CTNNBIP1: variants seen among roughly 807,000 people sequenced by gnomAD.
CTNNBIP1 encodes the protein beta-catenin-interacting protein 1.
CTNNBIP1 carries 7 observed loss-of-function variants against 11.8 expected under a neutral mutation model. That is an observed-to-expected ratio of 0.60 (90% CI 0.34 to 1.12). The LOEUF is 1.12. CTNNBIP1 is among the 50% of genes most tolerant of loss of function. The probability of loss-of-function intolerance (pLI) is 0.03; values close to 1 mark genes in which losing one functional copy is unlikely to be tolerated. For synonymous variants in CTNNBIP1, 58 were observed against 43.9 expected (o/e 1.32, Z -1.26); for missense variants, 101 against 113.4 (o/e 0.89, Z 0.50).
At chr1:9,890,358 G>A (rs919639537) in intron 1 of CTNNBIP1, among the ~76,000 whole-genome samples, 4 of 152,130 alleles carry the variant, frequency 2.6e-5, no homozygotes, top group African/African-American at 9.7e-5. Flanking sequence ...GCTGGTGGAG[G>A]TTTTCTCTCT....
chr1:9,908,576 G>A (rs1639667896), intron 1 of CTNNBIP1, among the ~76,000 whole-genome samples: 1 of 141,222 alleles, frequency 7.1e-6, no homozygotes, highest in Non-Finnish European at 1.5e-5. Context: ...GGGTTTCACC[G>A]TGGTCTCGAT....
chr1:9,908,204 A>C (rs754569195), intron 1 of CTNNBIP1, among the ~76,000 whole-genome samples: 1 of 151,096 alleles, frequency 6.6e-6, no homozygotes. Context: ...GACTACAGGC[A>C]TGCACCACCA....
intron 2 of CTNNBIP1, among the ~76,000 whole-genome samples, chr1:9,880,136 GC>G (rs1453649004): frequency 7.5e-6 from 1 of 133,334 alleles, no homozygotes; most frequent in Non-Finnish European, 1.6e-5. Context: ...CTTGCCCCCA[GC>G]CCCCCAACAG....
Position 9,881,167 on chromosome 1 carries a change from C to G in CTNNBIP1, c.-110+2538G>C, listed in dbSNP as rs185027424. ...CCACCCACCTCAGCCTCCTGCATGG[C>G]TGAACCACAGGCATGCACCACCATA... On this transcript the variant is annotated intron_variant, in intron 2 of 5. Coordinates refer to ENST00000377263, the MANE Select transcript of CTNNBIP1 (RefSeq NM_020248.3). Among the ~76,000 whole-genome samples the G allele has an allele frequency of 1.1e-3, 170 of 151,858 alleles. 3 individuals are homozygous for G. In the East Asian group the frequency reaches 0.029, roughly 26 times the overall value.
At chr1:9,854,808 C>G in intron 5 of CTNNBIP1, among the ~76,000 whole-genome samples, 1 of 152,112 alleles carries the variant, frequency 6.6e-6, no homozygotes, top group East Asian at 1.9e-4. Context: ...TCCCGAGTAG[C>G]TGGGACTATA....
intron 5 of CTNNBIP1, among the ~76,000 whole-genome samples, chr1:9,853,120 T>C (rs747629368): frequency 3.9e-5 from 6 of 152,206 alleles, no homozygotes; most frequent in South Asian, 4.1e-4. Flanking sequence ...GTGGCATTTA[T>C]AGAGCCTCCC....
chr1:9,854,399 A>T (rs1265474045), intron 5 of CTNNBIP1, among the ~76,000 whole-genome samples: 1 of 151,554 alleles, frequency 6.6e-6, no homozygotes, highest in Non-Finnish European at 1.5e-5. Flanking sequence ...CACTCAACAA[A>T]CTAGAAGAGA....
At chr1:9,897,454 A>AAAAAACAAAAAC (rs776131271) in intron 1 of CTNNBIP1, among the ~76,000 whole-genome samples, 1 of 151,840 alleles carries the variant, frequency 6.6e-6, no homozygotes, top group African/African-American at 2.4e-5. Context: ...ACTCCGTCTC[A>AAAAAACAAAAAC]AAAAACAAAA....
intron 1 of CTNNBIP1, among the ~76,000 whole-genome samples, chr1:9,895,535 C>T (rs183432379): frequency 3.5e-4 from 52 of 149,688 alleles, no homozygotes; most frequent in Admixed American, 1.3e-3. Context: ...CTTGCTCTGT[C>T]GCCAGGCTAG....
At chr1:9,877,426 C>T (rs1433028245) in intron 3 of CTNNBIP1, among the ~76,000 whole-genome samples, 1 of 152,168 alleles carries the variant, frequency 6.6e-6, no homozygotes, top group African/African-American at 2.4e-5. Context: ...CACTTATACC[C>T]AGGGCGGTCT....
chr1:9,883,132 G>C lies in CTNNBIP1; in HGVS notation c.-110+573C>G, dbSNP rs1381270140. On this transcript the variant is annotated intron_variant, in intron 2 of 5. Coordinates refer to ENST00000377263, the MANE Select transcript of CTNNBIP1 (RefSeq NM_020248.3). This position sits in a 1 kb window ranked among gnomAD's most constrained non-coding sequence, Gnocchi z 5.6. ...AGCAGCGGGACGGCGCAGGAGGGTA[G>C]GTCAGGGACCGGGGGAGCCTCTCTC... Among the ~76,000 whole-genome samples, 2 of 152,130 alleles carry C rather than the reference G, an allele frequency of 1.3e-5. No homozygotes were observed. The highest frequency in any genetic ancestry group is 4.8e-5 in the African/African-American group (2 of 41,416).
intron 5 of CTNNBIP1, among the ~76,000 whole-genome samples, chr1:9,869,872 G>A (rs1372253089): frequency 1.3e-5 from 2 of 152,240 alleles, no homozygotes; most frequent in Non-Finnish European, 2.9e-5. Context: ...AGCCCTGGAA[G>A]AGAAGAGACC....
intron 5 of CTNNBIP1, among the ~76,000 whole-genome samples, chr1:9,863,037 T>A (rs1638666099): frequency 6.6e-6 from 1 of 152,178 alleles, no homozygotes; most frequent in Admixed American, 6.5e-5. Context: ...ACAGAACCCA[T>A]GACGCGGGGT....
intron 5 of CTNNBIP1, among the ~76,000 whole-genome samples, chr1:9,870,617 A>G (rs1404510372): frequency 1.3e-5 from 2 of 152,238 alleles, no homozygotes; most frequent in Non-Finnish European, 1.5e-5. Flanking sequence ...CTGCTACACA[A>G]CAAACACTCA....
chr1:9,860,445 A>C (rs960216219), intron 5 of CTNNBIP1, among the ~76,000 whole-genome samples: 10 of 150,410 alleles, frequency 6.6e-5, no homozygotes, highest in South Asian at 2.1e-4. Flanking sequence ...AAAAAAAAAA[A>C]AAAAAAAAAC....
chr1:9,884,358 G>A (rs1639144194), intron 1 of CTNNBIP1, among the ~76,000 whole-genome samples: 1 of 152,156 alleles, frequency 6.6e-6, no homozygotes, highest in Non-Finnish European at 1.5e-5. Context: ...GAGCACCATT[G>A]TAGACCCCAC....
chr1:9,889,296 C>T (rs913937176), intron 1 of CTNNBIP1, among the ~76,000 whole-genome samples: 4 of 152,208 alleles, frequency 2.6e-5, no homozygotes, highest in Non-Finnish European at 2.9e-5. Flanking sequence ...TTCTGCCCCA[C>T]GGCAGAAATG....
chr1:9,908,953 T>C (rs1016126566), intron 1 of CTNNBIP1, among the ~76,000 whole-genome samples: 1 of 152,218 alleles, frequency 6.6e-6, no homozygotes. Flanking sequence ...AAACCGTGAA[T>C]GACACATTGG....
At chr1:9,890,716 AC>A (rs1639284009) in intron 1 of CTNNBIP1, among the ~76,000 whole-genome samples, 1 of 152,086 alleles carries the variant, frequency 6.6e-6, no homozygotes. Context: ...GGCCTGACCG[AC>A]CTTCCCCATG....
Sources: gnomAD v4.1 joint callset for allele counts (sites outside exome capture counted in the v4.1 genomes callset) on GRCh38, gnomAD v4.1.1 for gene constraint, Gnocchi (gnomAD v3.1) non-coding constraint, MANE v1.5 for transcripts, NCBI Gene and HGNC (gene_info 2026-07-23, HGNC 2026-07-21) for gene names.